FAM184A: variants seen among roughly 807,000 people sequenced by gnomAD.
FAM184A encodes the protein family with sequence similarity 184 member A.
Under a neutral mutation model 143.8 loss-of-function variants are expected in FAM184A, and 99 were observed. The ratio of observed to expected loss-of-function variants is 0.69; its 90% CI spans 0.58 to 0.81. FAM184A has a LOEUF of 0.81. FAM184A is among the 40% of genes least tolerant of loss of function. The pLI is 0.00. For synonymous variants in FAM184A, 427 were observed against 446.4 expected, an observed-to-expected ratio of 0.96 and a Z score of 0.55; for missense variants, 1,217 against 1,310.5, an observed-to-expected ratio of 0.93 and a Z score of 1.10.
intron 1 of FAM184A, among the ~76,000 whole-genome samples, chr6:119,108,459 G>A (rs1190984744): frequency 6.6e-6 from 1 of 152,094 alleles, no homozygotes; most frequent in East Asian, 1.9e-4. Flanking sequence ...TCTAGAAGGT[G>A]GCCAGCACTG....
intron 9 of FAM184A, among the ~76,000 whole-genome samples, chr6:118,995,888 C>T (rs1013518174): frequency 6.6e-6 from 1 of 152,198 alleles, no homozygotes. Flanking sequence ...TCCTGGGCTG[C>T]AGCACCTCTG....
In FAM184A at chr6:119,145,875, C is replaced by T. The variant is rs147083960; in HGVS notation, c.-202+3203G>A. 9.2e-3 allele frequency among the ~76,000 whole-genome samples: 1,401 copies of T among 152,266 alleles called. 16 individuals are homozygous for T. The highest frequency in any genetic ancestry group is 0.032 in the African/African-American group (1,344 of 41,528). ...TCACATCAGCTCCATTAAGCAAAAA[C>T]ATGATTTTTACAGGGAAGGAAATCA... On this transcript the variant is annotated intron_variant, in intron 1 of 16. Coordinates refer to the FAM184A transcript ENST00000352896.
intron 1 of FAM184A, among the ~76,000 whole-genome samples, chr6:119,128,740 G>A (rs1374203307): frequency 6.6e-6 from 1 of 152,164 alleles, no homozygotes; most frequent in Non-Finnish European, 1.5e-5. Flanking sequence ...TCGCATGGCA[G>A]ATAGCAGGCC....
chr6:119,129,833 G>A (rs747345858), intron 1 of FAM184A, among the ~76,000 whole-genome samples: 51 of 152,136 alleles, frequency 3.4e-4, no homozygotes, highest in Non-Finnish European at 6.8e-4. Context: ...TTAGAAATAT[G>A]TAGATTTCCA....
intron 1 of FAM184A, among the ~76,000 whole-genome samples, chr6:119,032,584 G>C (rs563328353): frequency 2.9e-5 from 4 of 135,824 alleles, no homozygotes; most frequent in Non-Finnish European, 6.3e-5. Context: ...GGAGGAAGAG[G>C]AGGAGAAGAG....
chr6:119,011,218 T>C (rs1248243107), intron 6 of FAM184A, 91 bp downstream of exon 6: 2 of 1,087,608 alleles, frequency 1.8e-6, no homozygotes, highest in Non-Finnish European at 2.6e-6. Flanking sequence ...ATGTTACCTT[T>C]ACTGAGACTT....
At position 119,061,531 on chromosome 6, in the gene FAM184A, C is replaced by CTTTTTTTTTTTTTT. The variant is rs977029986; in HGVS notation, c.159+16596_159+16609dup. 2.7e-4 allele frequency among the ~76,000 whole-genome samples: 16 copies of CTTTTTTTTTTTTTT among 58,556 alleles called. 1 individual carries two copies. Among genetic ancestry groups the CTTTTTTTTTTTTTT allele is most frequent in the Non-Finnish European group, 3.8e-4 (12 of 31,332 alleles). 38.4% of individuals were successfully genotyped at this position (58,556 alleles called of 152,430 possible). A position where few individuals can be genotyped will look rare whatever the true frequency, so the allele number is the denominator to read the frequency against. ...CTACCATGCCTGGCTAATTATTTTTCTTTTTTTTTTTTTTTTTTTTTTTTT... is the reference window on the plus strand; with the variant it reads ...CTACCATGCCTGGCTAATTATTTTTCTTTTTTTTTTTTTTTTTTTTTTTTTTTTTTTTTTTTTTT... On this transcript the variant is annotated intron_variant, in intron 1 of 17. Coordinates refer to ENST00000338891, the MANE Select transcript of FAM184A (RefSeq NM_024581.6).
chr6:119,122,934 A>G lies in FAM184A; in HGVS notation c.-202+26144T>C, dbSNP rs1428178656. ...AGGAAGACCCTGTCTGAAAAAAAAA[A>G]AAAAAAAAAAAAAAAAAAAAAAAAA... is the stretch of plus-strand genomic sequence containing the variant. On this transcript the variant is annotated intron_variant, in intron 1 of 16. Transcript: ENST00000352896. Among the ~76,000 whole-genome samples the G allele has an allele frequency of 5.7e-4, 9 of 15,922 alleles. 1 individual carries two copies. The South Asian group carries it at 0.011, about 19-fold the overall frequency. 10.4% of individuals were successfully genotyped at this position (15,922 alleles called of 152,430 possible).
intron 5 of FAM184A, among the ~76,000 whole-genome samples, chr6:119,013,319 G>T (rs749436787): frequency 2.0e-5 from 3 of 152,186 alleles, no homozygotes; most frequent in Admixed American, 6.5e-5. Context: ...TGACGTTGAT[G>T]AAAGATGCCT....
intron 1 of FAM184A, among the ~76,000 whole-genome samples, chr6:119,123,104 G>A (rs558561482): frequency 6.6e-6 from 1 of 152,090 alleles, no homozygotes; most frequent in Non-Finnish European, 1.5e-5. Flanking sequence ...AAACAGTAGG[G>A]GCAGGCGGGG....
intron 1 of FAM184A, among the ~76,000 whole-genome samples, chr6:119,143,940 A>G (rs1275445735): frequency 6.6e-6 from 1 of 152,072 alleles, no homozygotes; most frequent in Admixed American, 6.5e-5. Flanking sequence ...ATTTAAAAAG[A>G]GAGAGAGAGA....
At chr6:119,034,041 T>TATAG (rs1409214932) in intron 1 of FAM184A, among the ~76,000 whole-genome samples, 16 of 42,002 alleles carry the variant, frequency 3.8e-4, no homozygotes, top group African/African-American at 7.4e-4. Context: ...TATATATATA[T>TATAG]AGAGAGAGAG....
At position 118,964,761 on chromosome 6, in the gene FAM184A, T is replaced by G. The variant is rs1302705387; in HGVS notation, c.3044A>C (p.Lys1015Thr). The change falls in exon 16 of 18, where the codon AAG becomes ACG. Residue 1015 changes from lysine (K) to threonine (T), a missense_variant. Coordinates refer to ENST00000338891, the MANE Select transcript of FAM184A (RefSeq NM_024581.6). ...ATTGACTAATTCCAGCTGATAAAAC[T>G]TATTATCCTCCTATGCAAAAGAATT... is the stretch of plus-strand genomic sequence containing the variant. ...QIIKKLIEDN[K>T]FYQLELVNRE... 1.3e-6 allele frequency: 2 copies of G among 1,567,178 alleles called. No homozygotes were observed. Among genetic ancestry groups the G allele is most frequent in the East Asian group, 2.2e-5 (1 of 44,508 alleles).
chr6:119,028,732 A>G (rs1785759571), intron 1 of FAM184A, among the ~76,000 whole-genome samples: 2 of 152,278 alleles, frequency 1.3e-5, no homozygotes, highest in African/African-American at 4.8e-5. Context: ...GAGCCATTCT[A>G]GCAAATTAAT....
intron 1 of FAM184A, among the ~76,000 whole-genome samples, chr6:119,074,604 A>G (rs963919564): frequency 2.9e-5 from 4 of 138,202 alleles, no homozygotes; most frequent in Non-Finnish European, 4.8e-5. Flanking sequence ...TGAAAGTGAC[A>G]AAAAAAAAGC....
chr6:119,084,568 G>A (rs192871348), intron 1 of FAM184A, among the ~76,000 whole-genome samples: 9 of 152,314 alleles, frequency 5.9e-5, no homozygotes, highest in Non-Finnish European at 1.2e-4. Context: ...CCAGGCACAG[G>A]GTGCAAGCTG....
intron 1 of FAM184A, among the ~76,000 whole-genome samples, chr6:119,114,790 C>T (rs977109128): frequency 6.6e-6 from 1 of 152,090 alleles, no homozygotes; most frequent in Non-Finnish European, 1.5e-5. Context: ...ATTGGCCTCC[C>T]AAAATGCTAG....
At chr6:118,973,071 A>G (rs1250291856) in intron 14 of FAM184A, among the ~76,000 whole-genome samples, 1 of 152,204 alleles carries the variant, frequency 6.6e-6, no homozygotes. Context: ...GGTAAATATG[A>G]TGGAGAAAGA....
At chr6:119,134,750 G>A (rs1384866439) in intron 1 of FAM184A, among the ~76,000 whole-genome samples, 1 of 152,074 alleles carries the variant, frequency 6.6e-6, no homozygotes, top group South Asian at 2.1e-4. Context: ...GATCACATGG[G>A]AAAAACTCAC....
Sources: allele counts gnomAD v4.1 joint callset (sites outside exome capture counted in the v4.1 genomes callset), GRCh38; gene constraint gnomAD v4.1.1; transcripts MANE v1.5; gene names NCBI Gene and HGNC (gene_info 2026-07-23, HGNC 2026-07-21).